FAM98C: variants seen among roughly 807,000 people sequenced by gnomAD.
FAM98C encodes the protein tRNA splicing ligase complex subunit 3C.
In FAM98C, 38 loss-of-function variants were observed where a neutral mutation model predicts 41.1. The observed-to-expected ratio is 0.92, with a 90% confidence interval of 0.71 to 1.21. The LOEUF (loss-of-function observed/expected upper bound fraction) is 1.21, where lower values mean the gene tolerates loss of function less well. FAM98C is among the 50% of genes most tolerant of loss of function. FAM98C has a pLI of 0.00. For missense variants in FAM98C, 493 were observed against 484.7 expected, an observed-to-expected ratio of 1.02 and a Z score of -0.16; for synonymous variants, 195 against 216.7, an observed-to-expected ratio of 0.90 and a Z score of 0.88.
At chr19:38,405,797 T>TC (rs1971031714) in intron 6 of FAM98C, 162 bp downstream of exon 6, 1 of 634,990 alleles carries the variant, frequency 1.6e-6, no homozygotes, top group Non-Finnish European at 2.7e-6. Context: ...AATCTCAGGG[T>TC]CCCAGGGTAT....
At chr19:38,403,310 C>A (rs3745960) in intron 1 of FAM98C, 28 bp from the exon 2 acceptor site, 34,836 of 1,492,002 alleles carry the variant, frequency 0.023, 994 homozygotes, top group East Asian at 0.15. Flanking sequence ...GACATCCCCG[C>A]CCCCTCCCGC....
In FAM98C at chr19:38,403,199, C is replaced by G. The variant is rs939913770; in HGVS notation, c.46C>G (p.Gln16Glu). The change falls in exon 1 of 8, where the codon CAG becomes GAG. Residue 16 changes from glutamine (Q) to glutamate (E), a missense_variant. Coordinates refer to ENST00000252530, the MANE Select transcript of FAM98C (RefSeq NM_174905.4). The part of the protein sequence containing the change: ...AEAWEGAAVA[Q>E]DLLALGYGGV... Reference sequence around the variant, plus strand: ...AGCGTGGGAGGGGGCCGCGGTGGCCCAGGACCTGCTGGCTCTGGGGTAAAA... The same window carrying G: ...AGCGTGGGAGGGGGCCGCGGTGGCCGAGGACCTGCTGGCTCTGGGGTAAAA... 6.4e-7 allele frequency: 1 copy of G among 1,557,394 alleles called. No individual in the cohort carries two copies. The highest frequency in any genetic ancestry group is 2.0e-5 in the Admixed American group (1 of 50,574).
chr19:38,406,935 T>C lies in FAM98C; in HGVS notation c.776T>C (p.Val259Ala), dbSNP rs758977176. 1 of 1,614,204 alleles carries C rather than the reference T, an allele frequency of 6.2e-7. No individual in the cohort carries two copies. The highest frequency in any genetic ancestry group is 8.5e-7 in the Non-Finnish European group (1 of 1,180,032). Residue 259 changes from valine to alanine, a missense_variant, in exon 7 of 8, where the codon GTG becomes GCG. Coordinates refer to ENST00000252530, the MANE Select transcript of FAM98C (RefSeq NM_174905.4). Reference protein sequence around the residue: ...AEAQGEAMRAVLIPIREVLTP... With the variant: ...AEAQGEAMRAALIPIREVLTP... The stretch of plus-strand genomic sequence containing the variant: ...GCCCAAGGAGAGGCCATGAGGGCAG[T>C]GCTGATCCCAATTCGAGAGGTTCTG...
chr19:38,404,938 G>T lies in FAM98C; in HGVS notation c.380G>T (p.Arg127Leu). 1.2e-6 allele frequency: 2 copies of T among 1,614,090 alleles called. No individual in the cohort carries two copies. The highest frequency in any genetic ancestry group is 2.2e-5 in the East Asian group (1 of 44,862). Residue 127 changes from arginine to leucine, a missense_variant, in exon 4 of 8, where the codon CGC (arginine) becomes CTC (leucine). Transcript: ENST00000252530. ...CTCTGCTCAGAGCTCCAAGCCACCCGCCTCCTGTGCCTCCGCTCTCTGCTG... is the reference window on the plus strand; with the variant it reads ...CTCTGCTCAGAGCTCCAAGCCACCCTCCTCCTGTGCCTCCGCTCTCTGCTG... The part of the protein sequence containing the change: ...RFLCSELQAT[R>L]LLCLRSLLDP...
Position 38,404,908 on chromosome 19 carries a change from G to T in FAM98C, c.350G>T (p.Arg117Leu). 1 of 1,614,118 alleles carries T rather than the reference G, an allele frequency of 6.2e-7. No individual in the cohort carries two copies. Among genetic ancestry groups the T allele is most frequent in the Non-Finnish European group, 8.5e-7 (1 of 1,180,020 alleles). The change falls in exon 4 of 8, where the codon CGC becomes CTC. Residue 117 changes from arginine to leucine, a missense_variant and splice_region_variant. Transcript: ENST00000252530. Reference sequence around the variant, plus strand: ...CACAGCACCCATTTATTACTTTCAGGCTTTCTCTGCTCAGAGCTCCAAGCC... The same window carrying T: ...CACAGCACCCATTTATTACTTTCAGTCTTTCTCTGCTCAGAGCTCCAAGCC... ...REPGAGLRLL[R>L]FLCSELQATR...
intron 3 of FAM98C, among the ~76,000 whole-genome samples, chr19:38,404,364 G>T (rs7246191): frequency 0.034 from 5,202 of 152,022 alleles, 110 homozygotes; most frequent in African/African-American, 0.051. Context: ...GGAGGATTTT[G>T]TTTTGTTTTG....
Position 38,408,887 on chromosome 19 carries a change from G to T in FAM98C, c.*5G>T, listed in dbSNP as rs1486813365. The T allele has an allele frequency of 3.8e-6, 6 of 1,566,114 alleles. No homozygotes were observed. Among genetic ancestry groups the T allele is most frequent in the East Asian group, 2.3e-5 (1 of 44,046 alleles). ...AAGAAGAAGAAGAAGAAGTAAAGGG[G>T]GACTGGTGGTCGGGGGCGGGGGGTC... On this transcript the variant is annotated 3_prime_UTR_variant, in exon 8 of 8. Transcript: ENST00000252530.
chr19:38,404,968 C>T lies in FAM98C; in HGVS notation c.410C>T (p.Pro137Leu), dbSNP rs201084520. 80 of 1,614,050 alleles carry T rather than the reference C, an allele frequency of 5.0e-5. No homozygotes were observed. The highest frequency in any genetic ancestry group is 8.0e-5 in the African/African-American group (6 of 74,910). ...CTGTGCCTCCGCTCTCTGCTGGATC[C>T]GAGTCCTAGGCCACCCCTTGGTGAA... is the stretch of plus-strand genomic sequence containing the variant. The part of the protein sequence containing the change: ...RLLCLRSLLD[P>L]SPRPPLGEGV... The change falls in exon 4 of 8, where the codon CCG becomes CTG. Residue 137 changes from proline (P) to leucine (L), a missense_variant. Pro to Leu is a moderately conservative substitution (Grantham distance 98). Coordinates refer to ENST00000252530, the MANE Select transcript of FAM98C (RefSeq NM_174905.4).
At chr19:38,403,280 G>A in intron 1 of FAM98C, 58 bp from the exon 2 acceptor site, 2 of 1,520,020 alleles carry the variant, frequency 1.3e-6, no homozygotes, top group South Asian at 1.2e-5. Flanking sequence ...CCTGGACGCG[G>A]ACGAAAAGGG....
In FAM98C at chr19:38,408,884, G is replaced by C; in HGVS notation, c.*2G>C. 1 of 1,569,844 alleles carries C rather than the reference G, an allele frequency of 6.4e-7. No individual in the cohort carries two copies. Among genetic ancestry groups the C allele is most frequent in the Non-Finnish European group, 8.6e-7 (1 of 1,163,004 alleles). On this transcript the variant is annotated 3_prime_UTR_variant, in exon 8 of 8. Coordinates refer to ENST00000252530, the MANE Select transcript of FAM98C (RefSeq NM_174905.4). ...CGCAAGAAGAAGAAGAAGAAGTAAA[G>C]GGGGACTGGTGGTCGGGGGCGGGGG...
Position 38,405,398 on chromosome 19 carries a change from T to G in FAM98C, c.610T>G (p.Cys204Gly). 6.2e-7 allele frequency: 1 copy of G among 1,614,156 alleles called. No homozygotes were observed. The highest frequency in any genetic ancestry group is 1.1e-5 in the South Asian group (1 of 91,084). The change falls in exon 5 of 8, where the codon TGC becomes GGC. Residue 204 changes from cysteine (C) to glycine (G), a missense_variant. Coordinates refer to ENST00000252530, the MANE Select transcript of FAM98C (RefSeq NM_174905.4). ...AGGGTCCCTGCAGCCCCTCCTCAGC[T>G]GCTCGCTAGATGCACCCAGATGGGT... ...PPGSLQPLLS[C>G]SLDAPRWEAL...
intron 4 of FAM98C, 54 bp downstream of exon 4, chr19:38,405,167 G>T: frequency 6.4e-7 from 1 of 1,563,386 alleles, no homozygotes; most frequent in South Asian, 1.1e-5. Flanking sequence ...CCTTGTGGGG[G>T]TGGGGGTCCT....
Position 38,409,017 on chromosome 19 carries a change from A to T in FAM98C, c.*135A>T, listed in dbSNP as rs562657477. The stretch of plus-strand genomic sequence containing the variant: ...CCATCTCCTATTCCTGAGTCCCCAA[A>T]TGCCCTGCTCCCATTCACGTCAATA... On this transcript the variant is annotated 3_prime_UTR_variant, in exon 8 of 8. Transcript: ENST00000252530. The T allele has an allele frequency of 2.2e-6, 2 of 897,144 alleles. No individual in the cohort carries two copies. The highest frequency in any genetic ancestry group is 1.6e-6 in the Non-Finnish European group (1 of 622,222). 55.6% of individuals were successfully genotyped at this position (897,144 alleles called of 1,614,324 possible).
intron 7 of FAM98C, chr19:38,408,514 A>G (rs111332484): frequency 0.036 from 16,329 of 459,886 alleles, 334 homozygotes; most frequent in African/African-American, 0.056. Flanking sequence ...AGCTGAGATC[A>G]CACCACTGCA....
At chr19:38,403,818 AG>A (rs988123985) in intron 3 of FAM98C, 124 bp downstream of exon 3, 1 of 1,172,970 alleles carries the variant, frequency 8.5e-7, no homozygotes, top group African/African-American at 1.6e-5. Flanking sequence ...AGAGGGTACG[AG>A]GTGGGTGGGG....
At chr19:38,405,186 T>G in intron 4 of FAM98C, 73 bp downstream of exon 4, 3 of 1,543,190 alleles carry the variant, frequency 1.9e-6, no homozygotes, top group Non-Finnish European at 2.6e-6. Flanking sequence ...CTCTCTCCAC[T>G]TCTGGAAGGA....
rs1364076228 is a variant in FAM98C at position 38,403,133 on chromosome 19, G to A, written c.-21G>A. On this transcript the variant is annotated 5_prime_UTR_variant, in exon 1 of 8. Transcript: ENST00000252530. ...GGAGCCTGCCACCGGCCGCCAGGGG[G>A]CGCGCCGAGACCACACTTTCATGGA... The A allele has an allele frequency of 6.6e-7, 1 of 1,510,860 alleles. No individual in the cohort carries two copies. The highest frequency in any genetic ancestry group is 8.7e-7 in the Non-Finnish European group (1 of 1,144,952). 93.6% of individuals were successfully genotyped at this position (1,510,860 alleles called of 1,614,324 possible). A position where few individuals can be genotyped will look rare whatever the true frequency, so the allele number is the denominator to read the frequency against.
rs3745961 is a variant in FAM98C, at chr19:38,403,462, G to A, written c.190G>A (p.Ala64Thr). ...CCTCGAGCAGCAGCGAGAGGCGGGC[G>A]CGGAGGTGCTGAGCGCCGGCGACGG... is the stretch of plus-strand genomic sequence containing the variant. ...GALEQQREAG[A>T]EVLSAGDGPG... The change falls in exon 2 of 8, where the codon GCG (alanine) becomes ACG (threonine). Residue 64 changes from alanine (A) to threonine (T), a missense_variant. By Grantham distance (58) the Ala-to-Thr change is moderately conservative. Coordinates refer to ENST00000252530, the MANE Select transcript of FAM98C (RefSeq NM_174905.4). 0.023 allele frequency: 31,832 copies of A among 1,405,082 alleles called. 853 individuals carry two copies. Among genetic ancestry groups the A allele is most frequent in the East Asian group, 0.16 (5,196 of 33,278 alleles). The allele number at this position is 1,405,082 out of a possible 1,614,324, so 87.0% of individuals were successfully genotyped here. A position where few individuals can be genotyped will look rare whatever the true frequency, so the allele number is the denominator to read the frequency against.
At position 38,403,655 on chromosome 19, in the gene FAM98C, G is replaced by A. The variant is rs1970998430; in HGVS notation, c.310G>A (p.Ala104Thr). 1 of 1,408,218 alleles carries A rather than the reference G, an allele frequency of 7.1e-7. No individual in the cohort carries two copies. Among genetic ancestry groups the A allele is most frequent in the African/African-American group, 1.5e-5 (1 of 66,546 alleles). The allele number at this position is 1,408,218 out of a possible 1,614,324, so 87.2% of individuals were successfully genotyped here. A position where few individuals can be genotyped will look rare whatever the true frequency, so the allele number is the denominator to read the frequency against. ...DRALCGGDGA[A>T]ALREPGAGLR... ...CGCGCTCTGCGGCGGGGATGGCGCG[G>A]CTGCGCTTCGGGAACCCGGTGCCGG... The change falls in exon 3 of 8, where the codon GCT becomes ACT. Residue 104 changes from alanine to threonine, a missense_variant. Coordinates refer to ENST00000252530, the MANE Select transcript of FAM98C (RefSeq NM_174905.4).
Sources: gnomAD v4.1 joint callset for allele counts (sites outside exome capture counted in the v4.1 genomes callset) on GRCh38, gnomAD v4.1.1 for gene constraint, MANE v1.5 for transcripts, NCBI Gene and HGNC (gene_info 2026-07-23, HGNC 2026-07-21) for gene names.